FCHO1: variants seen among roughly 807,000 people sequenced by gnomAD.
The protein encoded by FCHO1 is F-BAR domain only protein 1.
Under a neutral mutation model 114.4 loss-of-function variants are expected in FCHO1, and 45 were observed. The observed-to-expected ratio is 0.39, with a 90% CI of 0.31 to 0.50. The LOEUF (loss-of-function observed/expected upper bound fraction) is 0.50. Among genes scored for constraint, FCHO1 ranks in the 20% least tolerant of loss-of-function variants. The probability of loss-of-function intolerance (pLI) is 0.77; values close to 1 mark genes in which losing one functional copy is unlikely to be tolerated. For synonymous variants in FCHO1, 480 were observed against 488.9 expected (o/e 0.98, Z 0.24); for missense variants, 1,042 against 1,209.6 (o/e 0.86, Z 2.06).
rs760067330 is a variant in FCHO1 at position 17,787,797 on chromosome 19, G to T, written c.2598G>T (p.Leu866=). ...CTCTGTCGGGCGTGGACTTGGAACT[G>T]GTGGGCAGCGGTTACCGCATGTCGC... is the stretch of plus-strand genomic sequence containing the variant. ...GTTLSGVDLE[L]VGSGYRMSLV... Residue 866 remains leucine (L), a synonymous_variant, in exon 28 of 29, where the codon CTG becomes CTT. Coordinates refer to ENST00000596536, the MANE Select transcript of FCHO1 (RefSeq NM_015122.3). 6.2e-7 allele frequency: 1 copy of T among 1,613,356 alleles called. No individual in the cohort carries two copies. The highest frequency in any genetic ancestry group is 2.2e-5 in the East Asian group (1 of 44,866).
chr19:17,758,429 CTTTGCTA>C (rs2084672920), intron 4 of FCHO1, among the ~76,000 whole-genome samples: 1 of 152,080 alleles, frequency 6.6e-6, no homozygotes, highest in African/African-American at 2.4e-5. Flanking sequence ...CACTGCCTGT[CTTTGCTA>C]TTTGCTGTTT....
At chr19:17,783,981 A>G in intron 24 of FCHO1, 122 bp from the exon 25 acceptor site, 1 of 1,217,958 alleles carries the variant, frequency 8.2e-7, no homozygotes, top group Non-Finnish European at 1.2e-6. Context: ...CCACCCAGGT[A>G]GGGCTTTGCT....
Position 17,778,639 on chromosome 19 carries a change from C to T in FCHO1, c.1382C>T (p.Pro461Leu). Reference sequence around the variant, plus strand: ...AGCAGCCTGGGCTTCACCTCCAGCCCCTCCCCTTTCTCCTCCTCGTCGCCC... The same window carrying T: ...AGCAGCCTGGGCTTCACCTCCAGCCTCTCCCCTTTCTCCTCCTCGTCGCCC... ...GSSSLGFTSSPSPFSSSSPEN... is the reference protein window; with the variant it reads ...GSSSLGFTSSLSPFSSSSPEN... Residue 461 changes from proline to leucine, a missense_variant, in exon 20 of 29, where the codon CCC becomes CTC. Pro to Leu is a moderately conservative substitution (Grantham distance 98). Around this residue, in one of 3 missense-constraint regions of FCHO1, gnomAD observed 455 missense variants for 455.4 expected, o/e 1.00. Transcript: ENST00000596536. 1.3e-6 allele frequency: 2 copies of T among 1,577,448 alleles called. No homozygotes were observed. Among genetic ancestry groups the T allele is most frequent in the South Asian group, 1.2e-5 (1 of 86,344 alleles).
intron 9 of FCHO1, among the ~76,000 whole-genome samples, chr19:17,772,169 TC>T (rs1276388912): frequency 7.9e-6 from 1 of 126,880 alleles, no homozygotes; most frequent in Non-Finnish European, 1.7e-5. Flanking sequence ...CACACAGACA[TC>T]CCCTTGTGTG....
rs371544052 is a variant in FCHO1, at chr19:17,770,600, C to G, written c.489+23C>G. 158 of 1,603,026 alleles carry G rather than the reference C, an allele frequency of 9.9e-5. No individual in the cohort carries two copies. Among genetic ancestry groups the G allele is most frequent in the Non-Finnish European group, 1.3e-4 (148 of 1,172,654 alleles). The stretch of plus-strand genomic sequence containing the variant: ...AAGGTGGGCTCACAGTGGGGGGGTT[C>G]TGAGGAATTTGCCGCGGGGCGGAGG... On this transcript the variant is annotated intron_variant, in intron 8 of 28. Coordinates refer to ENST00000596536, the MANE Select transcript of FCHO1 (RefSeq NM_015122.3).
chr19:17,787,991 C>A, intron 28 of FCHO1, 145 bp downstream of exon 28: 1 of 1,057,424 alleles, frequency 9.5e-7, no homozygotes, highest in Non-Finnish European at 1.4e-6. Flanking sequence ...ATGGGGGGCA[C>A]AGGTGGGCAA....
chr19:17,787,743 G>A lies in FCHO1; in HGVS notation c.2544G>A (p.Val848=). 1.3e-6 allele frequency: 2 copies of A among 1,596,486 alleles called. No homozygotes were observed. Among genetic ancestry groups the A allele is most frequent in the South Asian group, 2.3e-5 (2 of 87,844 alleles). The change falls in exon 28 of 29, where the codon GTG becomes GTA. Residue 848 remains valine, a synonymous_variant. Coordinates refer to ENST00000596536, the MANE Select transcript of FCHO1 (RefSeq NM_015122.3). ...PLSGPSTPSP[V]AAQFTSEGTT... ...CAGGGCCCAGCACACCCAGCCCCGT[G>A]GCTGCACAGTTCACCAGCGAGGGGA...
At position 17,778,874 on chromosome 19, in the gene FCHO1, G is replaced by A. The variant is rs1233820768; in HGVS notation, c.1617G>A (p.Leu539=). The A allele has an allele frequency of 1.3e-6, 2 of 1,562,806 alleles. No homozygotes were observed. Among genetic ancestry groups the A allele is most frequent in the Non-Finnish European group, 1.7e-6 (2 of 1,162,460 alleles). ...SSPGPWGLEA[L]AGGDLMPAPA... ...CAGGCCCCTGGGGGCTGGAGGCCTTGGCCGGAGGAGGTGAGTCCAGCGGGC... is the reference window on the plus strand; with the variant it reads ...CAGGCCCCTGGGGGCTGGAGGCCTTAGCCGGAGGAGGTGAGTCCAGCGGGC... Residue 539 remains leucine (L), a synonymous_variant, in exon 20 of 29, where the codon TTG becomes TTA. Transcript: ENST00000596536.
rs961984300 is a variant in FCHO1, at chr19:17,781,334, T to C, written c.1731T>C (p.Asn577=). 2 of 1,613,440 alleles carry C rather than the reference T, an allele frequency of 1.2e-6. No homozygotes were observed. The highest frequency in any genetic ancestry group is 1.7e-6 in the Non-Finnish European group (2 of 1,179,602). Residue 577 remains asparagine, a synonymous_variant, in exon 21 of 29, where the codon AAT becomes AAC. Transcript: ENST00000596536. ...RKVSCPLTRS[N]GDLSRSLSPS... ...TGTCCTGCCCTCTCACACGTAGCAA[T>C]GGGGACCTGGTAGGTGAGGGGGCGT...
At chr19:17,787,004 A>G (rs1233605572) in intron 27 of FCHO1, among the ~76,000 whole-genome samples, 1 of 151,910 alleles carries the variant, frequency 6.6e-6, no homozygotes, top group East Asian at 1.9e-4. Flanking sequence ...TGGGTAGATC[A>G]CTTGAGGTCA....
At chr19:17,763,901 A>G (rs1359700235) in intron 5 of FCHO1, among the ~76,000 whole-genome samples, 5 of 151,716 alleles carry the variant, frequency 3.3e-5, no homozygotes, top group Admixed American at 6.6e-5. Flanking sequence ...GTAAGAAAAA[A>G]TCTTCTATGA....
chr19:17,759,412 G>A (rs1307945214), intron 4 of FCHO1, among the ~76,000 whole-genome samples: 6 of 151,156 alleles, frequency 4.0e-5, no homozygotes, highest in Non-Finnish European at 7.4e-5. Context: ...TAGTAGAGAC[G>A]GGGTTTCACC....
At chr19:17,749,595 G>A (rs896853066), upstream of FCHO1, among the ~76,000 whole-genome samples, 17 of 152,180 alleles carry the variant, frequency 1.1e-4, no homozygotes, top group African/African-American at 3.6e-4. Context: ...CCATGGGGAG[G>A]ACAGAAAATT....
rs1313085238 is a variant in FCHO1, at chr19:17,784,676, G to A, written c.2227-49G>A. On this transcript the variant is annotated intron_variant, in intron 25 of 28. Coordinates refer to ENST00000596536, the MANE Select transcript of FCHO1 (RefSeq NM_015122.3). This position sits in a 1 kb window ranked among gnomAD's most constrained non-coding sequence, Gnocchi z 5.3. Reference sequence around the variant, plus strand: ...GGTTGAATAGCGCATGGTGTGGCAAGACAGGATGGCCCAAGCTGTGTCCTC... The same window carrying A: ...GGTTGAATAGCGCATGGTGTGGCAAAACAGGATGGCCCAAGCTGTGTCCTC... The A allele has an allele frequency of 6.3e-7, 1 of 1,583,080 alleles. No individual in the cohort carries two copies. Among genetic ancestry groups the A allele is most frequent in the Non-Finnish European group, 8.7e-7 (1 of 1,153,440 alleles).
rs1289046135 is a variant in FCHO1, at chr19:17,784,282, A to G, written c.2226+47A>G. 2 of 1,552,846 alleles carry G rather than the reference A, an allele frequency of 1.3e-6. No individual in the cohort carries two copies. Among genetic ancestry groups the G allele is most frequent in the Non-Finnish European group, 1.7e-6 (2 of 1,147,572 alleles). On this transcript the variant is annotated intron_variant, in intron 25 of 28. Transcript: ENST00000596536. This position sits in a 1 kb window ranked among gnomAD's most constrained non-coding sequence, Gnocchi z 5.3. ...GGGAGGAGGTGGTGGAGTGGGGGAC[A>G]CGGTGAGCCGGCAGCAGACATGGAG...
rs142806172 is a variant in FCHO1 at position 17,766,772 on chromosome 19, C to T, written c.298C>T (p.Leu100Phe). The T allele has an allele frequency of 1.4e-5, 22 of 1,614,048 alleles. No homozygotes were observed. The African/African-American group carries it at 1.9e-4, about 14-fold the overall frequency. ...GTTACAGGATCTCATCAAGGACGTT[C>T]TCCGCTACGGCGAGGAACAGCTCAA... The part of the protein sequence containing the change: ...RKLQDLIKDV[L>F]RYGEEQLKTH... The change falls in exon 7 of 29, where the codon CTC (leucine) becomes TTC (phenylalanine). Residue 100 changes from leucine to phenylalanine, a missense_variant. Coordinates refer to ENST00000596536, the MANE Select transcript of FCHO1 (RefSeq NM_015122.3).
chr19:17,755,105 CCT>C lies in FCHO1; in HGVS notation c.-47-6_-47-5del, dbSNP rs1205277405. On this transcript the variant is annotated splice_polypyrimidine_tract_variant and intron_variant, in intron 3 of 28. Coordinates refer to ENST00000596536, the MANE Select transcript of FCHO1 (RefSeq NM_015122.3). ...GCAATGACTCTGTAGCTCAAACTTG[CCT>C]CTCTCTTCAGACAGGCACTGGACGG... 6.4e-7 allele frequency: 1 copy of C among 1,567,334 alleles called. No homozygotes were observed. Among genetic ancestry groups the C allele is most frequent in the Non-Finnish European group, 8.8e-7 (1 of 1,137,610 alleles).
In FCHO1 at chr19:17,781,792, C is replaced by G; in HGVS notation, c.1909C>G (p.His637Asp). ...PIATAFTEYV[H>D]AYFRGHSPSC... Reference sequence around the variant, plus strand: ...AGCCACAGCCTTCACAGAGTATGTCCACGCCTACTTCCGTGGCCACAGCCC... The same window carrying G: ...AGCCACAGCCTTCACAGAGTATGTCGACGCCTACTTCCGTGGCCACAGCCC... Residue 637 changes from histidine to aspartate, a missense_variant, in exon 23 of 29, where the codon CAC becomes GAC. This residue lies in a region of FCHO1 where 455 missense variants were observed against 455.4 expected (regional missense o/e 1.00). Coordinates refer to ENST00000596536, the MANE Select transcript of FCHO1 (RefSeq NM_015122.3). 6.2e-7 allele frequency: 1 copy of G among 1,607,978 alleles called. No individual in the cohort carries two copies. Among genetic ancestry groups the G allele is most frequent in the Non-Finnish European group, 8.5e-7 (1 of 1,177,328 alleles).
chr19:17,780,632 C>T (rs1033648279), intron 20 of FCHO1, among the ~76,000 whole-genome samples: 5 of 152,006 alleles, frequency 3.3e-5, no homozygotes, highest in Non-Finnish European at 5.9e-5. Context: ...GGGCAGCCCC[C>T]GCCCCCGAGA....
Sources: allele counts gnomAD v4.1 joint callset (sites outside exome capture counted in the v4.1 genomes callset), GRCh38; gene constraint gnomAD v4.1.1; regional missense constraint gnomAD v4.1.1; non-coding constraint Gnocchi (gnomAD v3.1); transcripts MANE v1.5; gene names NCBI Gene and HGNC (gene_info 2026-07-23, HGNC 2026-07-21).